Variants in SLC4A4 observed in about 807,000 individuals in gnomAD.
The protein encoded by SLC4A4 is solute carrier family 4 member 4.
A neutral mutation model predicts 111.5 loss-of-function variants in SLC4A4; 27 were observed. The ratio of observed to expected loss-of-function variants is 0.24; its 90% CI spans 0.18 to 0.33. The LOEUF (loss-of-function observed/expected upper bound fraction) is 0.33, where lower values mean the gene tolerates loss of function less well. Among genes scored for constraint, SLC4A4 ranks in the 10% least tolerant of loss-of-function variants. The pLI, the probability that SLC4A4 is intolerant of heterozygous loss-of-function variation, is 1.00. For missense variants in SLC4A4, 909 were observed against 1,315.5 expected (o/e 0.69, Z 4.78); for synonymous variants, 443 against 463.4 (o/e 0.96, Z 0.57).
rs137926797 is a variant in SLC4A4 at position 71,167,922 on chromosome 4, CT to C, written c.-1-68653del. ...TTCTCTCTATCTTCAGTCCTCACCC[CT>C]GCCTTAGTCTGTTTTGTGCTGCTAA... On this transcript the variant is annotated intron_variant, in intron 2 of 26. Coordinates refer to the SLC4A4 transcript ENST00000649996. 5.3e-3 allele frequency among the ~76,000 whole-genome samples: 806 copies of C among 152,284 alleles called. 9 individuals are homozygous for C. The highest frequency in any genetic ancestry group is 0.019 in the African/African-American group (771 of 41,566).
At chr4:71,286,700 G>A (rs1723945378) in intron 3 of SLC4A4, among the ~76,000 whole-genome samples, 1 of 152,220 alleles carries the variant, frequency 6.6e-6, no homozygotes, top group South Asian at 2.1e-4. Context: ...TAACAATCTT[G>A]TGTGGTTAGT....
intron 16 of SLC4A4, among the ~76,000 whole-genome samples, chr4:71,519,564 C>T (rs1015577743): frequency 1.3e-5 from 2 of 152,164 alleles, no homozygotes; most frequent in African/African-American, 4.8e-5. Context: ...CTCCCTTATA[C>T]CCCAACTCAT....
At chr4:71,487,050 T>G (rs188626466) in intron 15 of SLC4A4, 32 bp downstream of exon 15, 1 of 1,236,142 alleles carries the variant, frequency 8.1e-7, no homozygotes, top group Non-Finnish European at 1.2e-6. Flanking sequence ...ATTACCTTCA[T>G]ACTGACTGCA....
intron 1 of SLC4A4, 155 bp from the exon 2 acceptor site, chr4:71,236,421 T>C: frequency 1.3e-6 from 1 of 779,250 alleles, no homozygotes; most frequent in South Asian, 1.7e-5. Context: ...TGAGAGGAGC[T>C]GCGTGAAGCA....
At chr4:71,179,222 T>C (rs1745201473) in intron 2 of SLC4A4, among the ~76,000 whole-genome samples, 1 of 152,022 alleles carries the variant, frequency 6.6e-6, no homozygotes, top group South Asian at 2.1e-4. Context: ...ATAAGAGCTA[T>C]CTATGACAAA....
chr4:71,278,603 C>T (rs1203456371), intron 3 of SLC4A4, among the ~76,000 whole-genome samples: 1 of 152,110 alleles, frequency 6.6e-6, no homozygotes, highest in Non-Finnish European at 1.5e-5. Context: ...TCAACACCCA[C>T]CTCTTGTCTT....
chr4:71,313,940 G>A (rs1484646128), intron 3 of SLC4A4, among the ~76,000 whole-genome samples: 2 of 152,136 alleles, frequency 1.3e-5, no homozygotes, highest in Non-Finnish European at 2.9e-5. Context: ...AAACTAAAGA[G>A]CTTCTGCACA....
upstream of SLC4A4, chr4:71,186,629 C>T (rs1394767570): frequency 6.6e-6 from 1 of 151,532 alleles, no homozygotes; most frequent in Non-Finnish European, 1.5e-5. Flanking sequence ...CTCCCCGCCG[C>T]CGATGCCCGG....
chr4:71,531,754 TACACACACACACACACACACAC>T lies in SLC4A4; in HGVS notation c.2167-278_2167-257del, dbSNP rs56164928. On this transcript the variant is annotated intron_variant, in intron 16 of 25. Transcript: ENST00000264485. Reference sequence around the variant, plus strand: ...GTTCTATTTGATTGCCCTCCCTGCCTACACACACACACACACACACACACACACACACACACACACACACACA... The same window carrying T: ...GTTCTATTTGATTGCCCTCCCTGCCTACACACACACACACACACACACACA... Among the ~76,000 whole-genome samples, 403 of 128,206 alleles carry T rather than the reference TACACACACACACACACACACAC, an allele frequency of 3.1e-3. 4 individuals are homozygous for T. The highest frequency in any genetic ancestry group is 7.4e-3 in the Middle Eastern group (2 of 270). The allele number at this position is 128,206 out of a possible 152,430, so 84.1% of individuals were successfully genotyped here.
intron 1 of SLC4A4, among the ~76,000 whole-genome samples, chr4:71,195,338 A>G (rs1745944477): frequency 1.4e-5 from 2 of 147,580 alleles, no homozygotes; most frequent in Admixed American, 1.3e-4. Context: ...TGAGCATGTA[A>G]CATTTTACTT....
chr4:71,141,643 A>G (rs1479752731), intron 2 of SLC4A4, among the ~76,000 whole-genome samples: 1 of 152,230 alleles, frequency 6.6e-6, no homozygotes, highest in Non-Finnish European at 1.5e-5. Flanking sequence ...AATATATTGT[A>G]AAAACTTGTT....
chr4:71,383,648 A>C (rs945869227), intron 6 of SLC4A4, among the ~76,000 whole-genome samples: 1 of 152,182 alleles, frequency 6.6e-6, no homozygotes. Context: ...GGGCAAAGGG[A>C]AAGAGAGGAA....
chr4:71,418,637 G>A (rs751068308), intron 7 of SLC4A4, among the ~76,000 whole-genome samples: 1 of 152,092 alleles, frequency 6.6e-6, no homozygotes, highest in African/African-American at 2.4e-5. Flanking sequence ...TAGCCTGAAG[G>A]GCAATCAGCA....
intron 7 of SLC4A4, among the ~76,000 whole-genome samples, chr4:71,433,647 G>A (rs374072813): frequency 3.2e-4 from 48 of 151,868 alleles, no homozygotes; most frequent in South Asian, 1.5e-3. Context: ...ATTAGATCCC[G>A]TTTGTCAATT....
chr4:71,480,243 C>G (rs1013040181), intron 14 of SLC4A4, among the ~76,000 whole-genome samples: 36 of 151,412 alleles, frequency 2.4e-4, no homozygotes, highest in African/African-American at 8.5e-4. Context: ...TTCCAGCACA[C>G]CATCGTAGAT....
At position 71,286,187 on chromosome 4, in the gene SLC4A4, C is replaced by T. The variant is rs529207144; in HGVS notation, c.253+30788C>T. ...CCTGGGAGGTGGAGCTTTCAGTGAG[C>T]TGAGATCGCGCCACTGCACTCCATC... On this transcript the variant is annotated intron_variant, in intron 3 of 25. Transcript: ENST00000264485. Among the ~76,000 whole-genome samples, 12 of 152,274 alleles carry T rather than the reference C, an allele frequency of 7.9e-5. No homozygotes were observed. In the East Asian group the frequency reaches 2.3e-3, roughly 29 times the overall value.
At chr4:71,330,427 C>T (rs1026605391) in intron 3 of SLC4A4, among the ~76,000 whole-genome samples, 2 of 152,070 alleles carry the variant, frequency 1.3e-5, no homozygotes, top group East Asian at 1.9e-4. Flanking sequence ...AGAAATAATA[C>T]CACACATCTA....
At chr4:71,140,408 G>GCTC (rs1168313137) in intron 2 of SLC4A4, among the ~76,000 whole-genome samples, 1 of 152,116 alleles carries the variant, frequency 6.6e-6, no homozygotes, top group Non-Finnish European at 1.5e-5. Context: ...GCGACAAAAT[G>GCTC]AGACCCTGTT....
chr4:71,521,166 T>C (rs1732897575), intron 16 of SLC4A4, among the ~76,000 whole-genome samples: 1 of 152,178 alleles, frequency 6.6e-6, no homozygotes, highest in Non-Finnish European at 1.5e-5. Flanking sequence ...CTCCTTATAT[T>C]CCTTATCTCA....
Sources: allele counts gnomAD v4.1 joint callset (sites outside exome capture counted in the v4.1 genomes callset), GRCh38; gene constraint gnomAD v4.1.1; transcripts MANE v1.5; gene names NCBI Gene and HGNC (gene_info 2026-07-23, HGNC 2026-07-21).